The following ATG7 variants were observed in gnomAD, a reference collection of about 807,000 sequenced individuals.
ATG7 encodes the protein autophagy related 7, also known as ubiquitin-like modifier-activating enzyme ATG7.
Under a neutral mutation model 82.4 loss-of-function variants are expected in ATG7, and 70 were observed. The ratio of observed to expected loss-of-function variants is 0.85; its 90% CI spans 0.70 to 1.04. ATG7 has a LOEUF of 1.04. Ranked by LOEUF, ATG7 falls within the 50% of genes least tolerant of loss-of-function variation. The pLI, the probability that ATG7 is intolerant of heterozygous loss-of-function variation, is 0.00. For synonymous variants in ATG7, 287 were observed against 313.0 expected, an observed-to-expected ratio of 0.92 and a Z score of 0.88; for missense variants, 792 against 864.3, an observed-to-expected ratio of 0.92 and a Z score of 1.05.
At chr3:11,451,918 C>T (rs9836167) in intron 20 of ATG7, among the ~76,000 whole-genome samples, 77,040 of 150,576 alleles carry the variant, frequency 0.51, 20,674 homozygotes, top group East Asian at 0.67. Context: ...CACACACACA[C>T]ATATACATAT....
chr3:11,473,065 T>C (rs1216628813), intron 20 of ATG7, among the ~76,000 whole-genome samples: 2 of 152,242 alleles, frequency 1.3e-5, no homozygotes, highest in African/African-American at 4.8e-5. Flanking sequence ...TAGGTGACTT[T>C]CTGATATTCA....
rs542088937 is a variant in ATG7, at chr3:11,359,271, C to T, written c.1479+659C>T. Among the ~76,000 whole-genome samples, 29 of 151,976 alleles carry T rather than the reference C, an allele frequency of 1.9e-4. No individual in the cohort carries two copies. In the South Asian group the frequency reaches 3.7e-3, roughly 20 times the overall value. On this transcript the variant is annotated intron_variant, in intron 15 of 20. Coordinates refer to ENST00000693202, the MANE Select transcript of ATG7 (RefSeq NM_001349232.2). ...CTATTAATAGTAATTTTTTGAGCTGCGGGTTGTGAGTGATTTTTGTTTTCT... is the reference window on the plus strand; with the variant it reads ...CTATTAATAGTAATTTTTTGAGCTGTGGGTTGTGAGTGATTTTTGTTTTCT...
intron 3 of ATG7, among the ~76,000 whole-genome samples, chr3:11,288,362 G>A (rs1944427166): frequency 6.6e-6 from 1 of 152,126 alleles, no homozygotes. Context: ...CCTTTACTGA[G>A]CTCTTAATAT....
intron 20 of ATG7, among the ~76,000 whole-genome samples, chr3:11,471,885 G>C (rs2087585570): frequency 6.6e-6 from 1 of 151,364 alleles, no homozygotes; most frequent in African/African-American, 2.4e-5. Flanking sequence ...TTATAGGCGT[G>C]TGTCACCATG....
At chr3:11,408,899 C>T (rs1338160217) in intron 19 of ATG7, among the ~76,000 whole-genome samples, 1 of 152,146 alleles carries the variant, frequency 6.6e-6, no homozygotes, top group Non-Finnish European at 1.5e-5. Flanking sequence ...AGGTGTGAGC[C>T]ATCTTGCTGG....
intron 11 of ATG7, among the ~76,000 whole-genome samples, chr3:11,337,140 A>G (rs570659741): frequency 2.6e-5 from 4 of 152,270 alleles, no homozygotes; most frequent in African/African-American, 9.6e-5. Flanking sequence ...TATGGGAGAC[A>G]GCACCTAATT....
At chr3:11,512,085 A>G (rs1471710962) in intron 20 of ATG7, among the ~76,000 whole-genome samples, 5 of 152,148 alleles carry the variant, frequency 3.3e-5, no homozygotes, top group African/African-American at 1.2e-4. Flanking sequence ...AATGCCACCA[A>G]AGTGGGAGCC....
At chr3:11,389,414 T>C (rs892692582) in intron 19 of ATG7, among the ~76,000 whole-genome samples, 9 of 150,324 alleles carry the variant, frequency 6.0e-5, no homozygotes, top group African/African-American at 2.2e-4. Flanking sequence ...TATAATTCTT[T>C]CATTATGAAA....
At chr3:11,387,167 C>T (rs1469469001) in intron 19 of ATG7, among the ~76,000 whole-genome samples, 1 of 152,134 alleles carries the variant, frequency 6.6e-6, no homozygotes, top group African/African-American at 2.4e-5. Flanking sequence ...TTTCTGGGCT[C>T]ACTGTCCACA....
At chr3:11,568,981 G>GC in the ATG7 span, 12 of 1,139,512 alleles carry the variant, frequency 1.1e-5, no homozygotes, top group Non-Finnish European at 1.3e-5. This position sits in a 1 kb window ranked among gnomAD's most constrained non-coding sequence, Gnocchi z 5.9. Flanking sequence ...GGAAAGAGAG[G>GC]CCTACAACAC....
intron 20 of ATG7, chr3:11,529,900 C>T (rs2092660850): frequency 6.6e-6 from 1 of 152,326 alleles, no homozygotes; most frequent in Non-Finnish European, 1.5e-5. Flanking sequence ...TTGCCCTTTT[C>T]TTACTCACCC....
At chr3:11,502,044 A>ACACG (rs56139410) in intron 20 of ATG7, among the ~76,000 whole-genome samples, 4 of 148,980 alleles carry the variant, frequency 2.7e-5, no homozygotes, top group African/African-American at 1.0e-4. Context: ...ACATACACAC[A>ACACG]TATGTTTATA....
chr3:11,310,659 G>T (rs1161600978), intron 7 of ATG7, among the ~76,000 whole-genome samples: 2 of 149,820 alleles, frequency 1.3e-5, no homozygotes, highest in African/African-American at 4.9e-5. Flanking sequence ...TTGAGACGGA[G>T]TCTCGCTCTG....
intron 9 of ATG7, among the ~76,000 whole-genome samples, chr3:11,322,443 A>G (rs915419322): frequency 1.3e-5 from 2 of 152,146 alleles, no homozygotes; most frequent in African/African-American, 2.4e-5. Flanking sequence ...ACTTCCAGCT[A>G]TATATCTCTG....
At chr3:11,375,133 G>A (rs2077317661) in intron 18 of ATG7, among the ~76,000 whole-genome samples, 1 of 150,460 alleles carries the variant, frequency 6.6e-6, no homozygotes, top group Non-Finnish European at 1.5e-5. Flanking sequence ...GCTTGAGCCC[G>A]GGAGTTCAAG....
At chr3:11,414,055 A>G (rs2081154734) in intron 19 of ATG7, among the ~76,000 whole-genome samples, 2 of 152,088 alleles carry the variant, frequency 1.3e-5, no homozygotes, top group South Asian at 2.1e-4. Flanking sequence ...CTGGAAAATA[A>G]TGGAGTTTTT....
intron 20 of ATG7, among the ~76,000 whole-genome samples, chr3:11,503,485 G>T (rs774489308): frequency 6.6e-6 from 1 of 151,932 alleles, no homozygotes; most frequent in Non-Finnish European, 1.5e-5. Context: ...CAGGCCGGGC[G>T]CAGTGGCTCA....
intron 20 of ATG7, among the ~76,000 whole-genome samples, chr3:11,456,686 A>G (rs1247572454): frequency 6.6e-6 from 1 of 152,174 alleles, no homozygotes; most frequent in Non-Finnish European, 1.5e-5. Flanking sequence ...ACTACCGACC[A>G]CTGTGTCTAA....
intron 20 of ATG7, among the ~76,000 whole-genome samples, chr3:11,448,770 C>A (rs1054554541): frequency 1.3e-5 from 2 of 152,114 alleles, no homozygotes; most frequent in Admixed American, 1.3e-4. Context: ...CATCAGTAAA[C>A]GGGGCAGTGG....
Sources: allele counts gnomAD v4.1 joint callset (sites outside exome capture counted in the v4.1 genomes callset), GRCh38; gene constraint gnomAD v4.1.1; non-coding constraint Gnocchi (gnomAD v3.1); transcripts MANE v1.5; gene names NCBI Gene and HGNC (gene_info 2026-07-23, HGNC 2026-07-21).